RYR1: variants seen among roughly 807,000 people sequenced by gnomAD.
RYR1 encodes central core disease of muscle.
A neutral mutation model predicts 583.5 loss-of-function variants in RYR1; 342 were observed. The ratio of observed to expected loss-of-function variants is 0.59; its 90% CI spans 0.54 to 0.64. The LOEUF (loss-of-function observed/expected upper bound fraction) is 0.64. Ranked by LOEUF, RYR1 falls within the 30% of genes least tolerant of loss-of-function variation. The pLI is 0.00. For missense variants in RYR1, 6,032 were observed against 6,917.2 expected (o/e 0.87, Z 4.54); for synonymous variants, 2,791 against 2,822.5 (o/e 0.99, Z 0.35).
chr19:38,531,885 A>G (rs1360938005), intron 76 of RYR1, among the ~76,000 whole-genome samples: 2 of 152,224 alleles, frequency 1.3e-5, no homozygotes, highest in Admixed American at 6.5e-5. Context: ...AGCTTGGCCA[A>G]CAGAGCAAGA....
chr19:38,543,229 C>T lies in RYR1; in HGVS notation c.11690-118C>T. 1.2e-6 allele frequency: 1 copy of T among 849,926 alleles called. No homozygotes were observed. Among genetic ancestry groups the T allele is most frequent in the South Asian group, 1.3e-5 (1 of 74,512 alleles). The allele number at this position is 849,926 out of a possible 1,614,324, so 52.6% of individuals were successfully genotyped here. A position where few individuals can be genotyped will look rare whatever the true frequency, so the allele number is the denominator to read the frequency against. ...TATTAAATAAATTGATGATGATATG[C>T]TTTCTGGCATACAATAGGAACTCAA... is the stretch of plus-strand genomic sequence containing the variant. On this transcript the variant is annotated intron_variant, in intron 84 of 105. Transcript: ENST00000359596. This position sits in a 1 kb window ranked among gnomAD's most constrained non-coding sequence, Gnocchi z 4.4.
At position 38,492,929 on chromosome 19, in the gene RYR1, G is replaced by A. The variant is rs544375338; in HGVS notation, c.6274+293G>A. Among the ~76,000 whole-genome samples, 38 of 152,274 alleles carry A rather than the reference G, an allele frequency of 2.5e-4. 2 individuals carry two copies. Among genetic ancestry groups the A allele is most frequent in the African/African-American group, 8.9e-4 (37 of 41,562 alleles). On this transcript the variant is annotated intron_variant, in intron 38 of 105. Coordinates refer to ENST00000359596, the MANE Select transcript of RYR1 (RefSeq NM_000540.3). The stretch of plus-strand genomic sequence containing the variant: ...CACTAAAAATACAAAAATTAGCTGG[G>A]TGTGGCGGTGCATGCCTGTAATCCC...
Position 38,512,210 on chromosome 19 carries a change from A to AT in RYR1, c.9234-33dup, listed in dbSNP as rs1228401460. On this transcript the variant is annotated intron_variant, in intron 62 of 105. Coordinates refer to ENST00000359596, the MANE Select transcript of RYR1 (RefSeq NM_000540.3). This position sits in a 1 kb window ranked among gnomAD's most constrained non-coding sequence, Gnocchi z 5.1. ...AACCCCTGGTCTCCTAGACTCTCCG[A>AT]TTCCAGAGCTGATGTTCCCCCGCTG... The AT allele has an allele frequency of 6.2e-7, 1 of 1,614,106 alleles. No individual in the cohort carries two copies. Among genetic ancestry groups the AT allele is most frequent in the African/African-American group, 1.3e-5 (1 of 75,040 alleles).
At chr19:38,573,684 C>T (rs2145875420) in intron 96 of RYR1, among the ~76,000 whole-genome samples, 1 of 150,958 alleles carries the variant, frequency 6.6e-6, no homozygotes, top group African/African-American at 2.4e-5. Context: ...CCACCCCCTT[C>T]CCCCCAGACA....
At chr19:38,544,723 G>A (rs139746747) in intron 87 of RYR1, among the ~76,000 whole-genome samples, 6 of 151,872 alleles carry the variant, frequency 4.0e-5, no homozygotes, top group Admixed American at 3.3e-4. Flanking sequence ...CAATTCCTCC[G>A]TGTCACAGCA....
At chr19:38,532,399 AG>A in intron 76 of RYR1, 90 bp from the exon 77 acceptor site, 1 of 1,282,960 alleles carries the variant, frequency 7.8e-7, no homozygotes, top group Non-Finnish European at 1.1e-6. Flanking sequence ...TTGGGATTAC[AG>A]GCATGAGCCA....
At chr19:38,551,235 G>A (rs549780086) in intron 89 of RYR1, among the ~76,000 whole-genome samples, 5 of 150,954 alleles carry the variant, frequency 3.3e-5, no homozygotes, top group African/African-American at 1.2e-4. Context: ...TAGTAGAGAC[G>A]GGGGTTTCAC....
At chr19:38,552,442 C>T (rs1332018895) in intron 89 of RYR1, among the ~76,000 whole-genome samples, 3 of 151,882 alleles carry the variant, frequency 2.0e-5, no homozygotes, top group African/African-American at 7.3e-5. Flanking sequence ...TTAGTAGAGA[C>T]GGGCTTCACC....
intron 89 of RYR1, among the ~76,000 whole-genome samples, chr19:38,549,905 G>A (rs1353943668): frequency 1.4e-5 from 2 of 144,158 alleles, no homozygotes; most frequent in Non-Finnish European, 3.1e-5. Context: ...GTGTGTGTGT[G>A]TGTGTGTGTG....
chr19:38,547,704 T>A (rs1257749748), intron 88 of RYR1, among the ~76,000 whole-genome samples: 2 of 150,570 alleles, frequency 1.3e-5, no homozygotes, highest in Non-Finnish European at 2.9e-5. Context: ...ACCTTTAGCG[T>A]ACATCATCAT....
At chr19:38,525,254 G>T in intron 70 of RYR1, 78 bp from the exon 71 acceptor site, 3 of 1,569,896 alleles carry the variant, frequency 1.9e-6, no homozygotes, top group Non-Finnish European at 2.6e-6. Context: ...GGGGCCTGGG[G>T]TGTGGATGAT....
intron 101 of RYR1, 145 bp from the exon 102 acceptor site, chr19:38,584,798 G>A: frequency 1.1e-6 from 1 of 914,856 alleles, no homozygotes; most frequent in South Asian, 1.5e-5. Context: ...GTCCCTGTCT[G>A]ATGCCGTATC....
intron 42 of RYR1, among the ~76,000 whole-genome samples, chr19:38,497,878 G>A (rs1039980544): frequency 2.0e-5 from 3 of 152,142 alleles, no homozygotes; most frequent in Non-Finnish European, 4.4e-5. Context: ...GGAGGCTAAG[G>A]TGGGAGGATT....
chr19:38,478,670 TCC>T, intron 31 of RYR1, 70 bp downstream of exon 31: 2 of 1,565,214 alleles, frequency 1.3e-6, no homozygotes, highest in Non-Finnish European at 8.7e-7. Flanking sequence ...CTTATAGATG[TCC>T]CCTGAGGCCA....
Position 38,543,396 on chromosome 19 carries a change from C to T in RYR1, c.11739C>T (p.Asn3913=), listed in dbSNP as rs760739698. 1.2e-6 allele frequency: 2 copies of T among 1,614,116 alleles called. No individual in the cohort carries two copies. Among genetic ancestry groups the T allele is most frequent in the African/African-American group, 2.7e-5 (2 of 74,934 alleles). Residue 3913 remains asparagine (N), a synonymous_variant, in exon 85 of 106, where the codon AAC becomes AAT. Coordinates refer to ENST00000359596, the MANE Select transcript of RYR1 (RefSeq NM_000540.3). The surrounding 1 kb of genome is among the most constrained non-coding windows in gnomAD (Gnocchi z 4.4). ...RTQTGNTTTI[N]IIICTVDYLL... ...AGACAGGGAACACGACCACTATTAACATCATCATTTGCACTGTGGACTACC... is the reference window on the plus strand; with the variant it reads ...AGACAGGGAACACGACCACTATTAATATCATCATTTGCACTGTGGACTACC...
intron 1 of RYR1, among the ~76,000 whole-genome samples, chr19:38,438,681 C>T (rs866823698): frequency 2.4e-5 from 3 of 124,376 alleles, no homozygotes; most frequent in Non-Finnish European, 3.1e-5. Flanking sequence ...TTCAGTGGTG[C>T]GATCTCGGCT....
At chr19:38,482,809 A>T (rs1969078067) in intron 31 of RYR1, among the ~76,000 whole-genome samples, 1 of 151,986 alleles carries the variant, frequency 6.6e-6, no homozygotes, top group South Asian at 2.1e-4. Context: ...GCGGGGTGTG[A>T]TGTGTGCAGA....
rs780958728 is a variant in RYR1 at position 38,572,196 on chromosome 19, C to G, written c.13924C>G (p.Pro4642Ala). The G allele has an allele frequency of 1.2e-6, 2 of 1,614,004 alleles. No individual in the cohort carries two copies. The highest frequency in any genetic ancestry group is 3.3e-5 in the Admixed American group (2 of 59,968). Residue 4642 changes from proline to alanine, a missense_variant, in exon 95 of 106, where the codon CCC (proline) becomes GCC (alanine). By Grantham distance (27) the Pro-to-Ala change is conservative (BLOSUM62 -1). Transcript: ENST00000359596. Reference protein sequence around the residue: ...FLEESTGYMEPALRCLSLLHT... With the variant: ...FLEESTGYMEAALRCLSLLHT... ...GGAGGAAAGCACAGGCTACATGGAA[C>G]CCGCCCTGCGGTGTCTGAGCCTCCT...
rs1972300361 is a variant in RYR1 at position 38,543,673 on chromosome 19, C to A, written c.11907+13C>A. On this transcript the variant is annotated intron_variant, in intron 86 of 105. Coordinates refer to ENST00000359596, the MANE Select transcript of RYR1 (RefSeq NM_000540.3). The surrounding 1 kb of genome is among the most constrained non-coding windows in gnomAD (Gnocchi z 4.4). ...TGAGTACATCCAGGTAGGGCGCTCC[C>A]CCTGGGGCGGGAGTGGGAAGGGAGG... 6.2e-7 allele frequency: 1 copy of A among 1,613,336 alleles called. No homozygotes were observed. The highest frequency in any genetic ancestry group is 8.5e-7 in the Non-Finnish European group (1 of 1,180,004).
Sources: gnomAD v4.1 joint callset for allele counts (sites outside exome capture counted in the v4.1 genomes callset) on GRCh38, gnomAD v4.1.1 for gene constraint, Gnocchi (gnomAD v3.1) non-coding constraint, MANE v1.5 for transcripts, NCBI Gene and HGNC (gene_info 2026-07-23, HGNC 2026-07-21) for gene names.